Variants in UNC80 observed in about 807,000 individuals in gnomAD.
UNC80 encodes unc-80 subunit of NALCN channel complex.
A neutral mutation model predicts 384.6 loss-of-function variants in UNC80; 164 were observed. The ratio of observed to expected loss-of-function variants is 0.43; its 90% CI spans 0.38 to 0.49. UNC80 has a LOEUF of 0.49. UNC80 is among the 20% of genes least tolerant of loss of function. The probability of loss-of-function intolerance (pLI) is 0.00; values close to 1 mark genes in which losing one functional copy is unlikely to be tolerated. For missense variants in UNC80, 3,330 were observed against 4,143.0 expected (o/e 0.80, Z 5.39); for synonymous variants, 1,486 against 1,527.8 (o/e 0.97, Z 0.64).
chr2:209,947,239 C>T (rs749990189), intron 47 of UNC80, among the ~76,000 whole-genome samples: 1 of 152,212 alleles, frequency 6.6e-6, no homozygotes. Flanking sequence ...CTTCTCTCTA[C>T]TCTATTTGCC....
In UNC80 at chr2:209,886,583, A is replaced by G. The variant is rs190818718; in HGVS notation, c.4111-1512A>G. On this transcript the variant is annotated intron_variant, in intron 25 of 64. Transcript: ENST00000673920. ...GAGGCTTACTTTATTATATGAGATCATTGTGTTCAGCCTCAGATGGTGATG... is the reference window on the plus strand; with the variant it reads ...GAGGCTTACTTTATTATATGAGATCGTTGTGTTCAGCCTCAGATGGTGATG... Among the ~76,000 whole-genome samples, 245 of 152,216 alleles carry G rather than the reference A, an allele frequency of 1.6e-3. 1 individual carries two copies. The highest frequency in any genetic ancestry group is 5.7e-3 in the African/African-American group (236 of 41,532).
intron 49 of UNC80, 146 bp from the exon 50 acceptor site, chr2:209,958,972 AT>A: frequency 1.6e-6 from 1 of 607,908 alleles, no homozygotes; most frequent in Non-Finnish European, 2.9e-6. Context: ...TAAAGCCTTT[AT>A]GTTTTAGGAG....
At chr2:209,873,487 A>G (rs1439361648) in intron 23 of UNC80, among the ~76,000 whole-genome samples, 1 of 152,226 alleles carries the variant, frequency 6.6e-6, no homozygotes, top group Non-Finnish European at 1.5e-5. Context: ...GCACTCACAT[A>G]AACACATATT....
chr2:209,784,561 A>C (rs1308130451), intron 4 of UNC80, among the ~76,000 whole-genome samples: 1 of 152,148 alleles, frequency 6.6e-6, no homozygotes, highest in African/African-American at 2.4e-5. Flanking sequence ...CTTTCATGGA[A>C]TACTTTTCCT....
chr2:209,815,166 G>A, intron 8 of UNC80, 91 bp from the exon 9 acceptor site: 1 of 1,317,608 alleles, frequency 7.6e-7, no homozygotes, highest in Non-Finnish European at 1.0e-6. Flanking sequence ...CAAAGCTATA[G>A]GCGCATCCCT....
At chr2:209,815,970 A>G (rs933891480) in intron 9 of UNC80, among the ~76,000 whole-genome samples, 1 of 152,166 alleles carries the variant, frequency 6.6e-6, no homozygotes, top group Non-Finnish European at 1.5e-5. Context: ...ATGTATATAT[A>G]TAGTGGTTTG....
intron 56 of UNC80, among the ~76,000 whole-genome samples, chr2:209,974,533 T>C (rs2092961085): frequency 6.6e-6 from 1 of 152,254 alleles, no homozygotes; most frequent in Non-Finnish European, 1.5e-5. Context: ...CTTTGTTACA[T>C]GGCCAGGCTA....
chr2:209,829,341 A>C lies in UNC80; in HGVS notation c.2588A>C (p.His863Pro). The C allele has an allele frequency of 6.4e-7, 1 of 1,551,366 alleles. No individual in the cohort carries two copies. Among genetic ancestry groups the C allele is most frequent in the Non-Finnish European group, 8.7e-7 (1 of 1,146,730 alleles). Residue 863 changes from histidine to proline, a missense_variant, in exon 15 of 65, where the codon CAT becomes CCT. Around this residue, in one of 8 missense-constraint regions of UNC80, gnomAD observed 937 missense variants for 1,026.8 expected, o/e 0.91. Transcript: ENST00000673920. ...DSLNNVVDFL[H>P]ALLGFCMEPV... ...CTCAATAATGTAGTGGACTTCTTGCATGCTTTGCTAGGATTTTGTATGGAG... is the reference window on the plus strand; with the variant it reads ...CTCAATAATGTAGTGGACTTCTTGCCTGCTTTGCTAGGATTTTGTATGGAG...
intron 21 of UNC80, among the ~76,000 whole-genome samples, chr2:209,849,152 T>C (rs1321534592): frequency 4.6e-5 from 7 of 152,098 alleles, no homozygotes; most frequent in African/African-American, 1.7e-4. Context: ...TAATTTTAAA[T>C]ACACCAAAAG....
chr2:209,787,688 C>T (rs912472097), intron 5 of UNC80, among the ~76,000 whole-genome samples: 5 of 152,014 alleles, frequency 3.3e-5, no homozygotes, highest in African/African-American at 4.8e-5. Flanking sequence ...AAACCTACCG[C>T]GCTGCCTGTT....
chr2:209,849,911 A>G (rs1002637136), intron 22 of UNC80, among the ~76,000 whole-genome samples: 1 of 152,092 alleles, frequency 6.6e-6, no homozygotes, highest in Non-Finnish European at 1.5e-5. Context: ...TGTAAGAGCA[A>G]TAACAATACT....
chr2:209,990,935 G>T (rs779872272), intron 61 of UNC80, among the ~76,000 whole-genome samples: 3 of 152,166 alleles, frequency 2.0e-5, no homozygotes, highest in Non-Finnish European at 2.9e-5. Context: ...GAATCACATT[G>T]ATTTTTTAGT....
intron 46 of UNC80, 63 bp from the exon 47 acceptor site, chr2:209,945,784 G>C: frequency 1.9e-6 from 2 of 1,067,528 alleles, no homozygotes; most frequent in South Asian, 2.7e-5. Context: ...AGGAGTAATA[G>C]GTGCTTCTTT....
intron 7 of UNC80, chr2:209,795,722 A>G (rs2078112024): frequency 6.6e-6 from 1 of 152,276 alleles, no homozygotes. Context: ...GGAAGCCCCA[A>G]GTCTCAGTAG....
chr2:209,974,732 A>G (rs1469878701), intron 56 of UNC80, among the ~76,000 whole-genome samples: 1 of 152,230 alleles, frequency 6.6e-6, no homozygotes, highest in Non-Finnish European at 1.5e-5. Flanking sequence ...AACTTGCCTG[A>G]AGGCATATAT....
In UNC80 at chr2:209,964,645, G is replaced by T. The variant is rs187514813; in HGVS notation, c.7806-2792G>T. On this transcript the variant is annotated intron_variant, in intron 51 of 64. Coordinates refer to ENST00000673920, the MANE Select transcript of UNC80 (RefSeq NM_001371986.1). The stretch of plus-strand genomic sequence containing the variant: ...TCTACTAAAAATACAAAAATTAGCT[G>T]GGCGTGGTGGCATGCGCCTGTAGTC... 2.5e-3 allele frequency among the ~76,000 whole-genome samples: 376 copies of T among 152,106 alleles called. 4 individuals carry two copies. The highest frequency in any genetic ancestry group is 8.8e-3 in the African/African-American group (364 of 41,502).
intron 36 of UNC80, among the ~76,000 whole-genome samples, chr2:209,927,270 A>G (rs901685623): frequency 3.9e-5 from 6 of 152,218 alleles, no homozygotes; most frequent in Non-Finnish European, 7.3e-5. Context: ...TTATTTAGCC[A>G]CATAGAAATC....
chr2:209,851,421 G>A (rs1386287978), intron 22 of UNC80, among the ~76,000 whole-genome samples: 7 of 152,232 alleles, frequency 4.6e-5, no homozygotes, highest in South Asian at 2.1e-4. Flanking sequence ...AGGGAGAGTA[G>A]CAGTTCTTTA....
At position 209,910,320 on chromosome 2, in the gene UNC80, A is replaced by G. The variant is rs189486804; in HGVS notation, c.4783-2240A>G. Among the ~76,000 whole-genome samples the G allele has an allele frequency of 5.9e-5, 9 of 152,066 alleles. No homozygotes were observed. In the East Asian group the frequency reaches 1.8e-3, roughly 30 times the overall value. On this transcript the variant is annotated intron_variant, in intron 29 of 64. Coordinates refer to ENST00000673920, the MANE Select transcript of UNC80 (RefSeq NM_001371986.1). ...TTGGAACTAGTCTCCTGCTCCTTCC[A>G]GTAGTCTGAGTTAGGAGTCACACCA...
Sources: gnomAD v4.1 joint callset for allele counts (sites outside exome capture counted in the v4.1 genomes callset) on GRCh38, gnomAD v4.1.1 for gene constraint, gnomAD v4.1.1 regional missense constraint, MANE v1.5 for transcripts, NCBI Gene and HGNC (gene_info 2026-07-23, HGNC 2026-07-21) for gene names.